Variants in RYR3 observed in about 807,000 individuals in gnomAD.
The protein encoded by RYR3 is brain ryanodine receptor-calcium release channel.
In RYR3, 207 loss-of-function variants were observed where a neutral mutation model predicts 584.3. That is an observed-to-expected ratio of 0.35 (90% CI 0.32 to 0.40). The LOEUF (loss-of-function observed/expected upper bound fraction) is 0.40, where lower values mean the gene tolerates loss of function less well. Ranked by LOEUF, RYR3 falls within the 10% of genes least tolerant of loss-of-function variation. The pLI is 1.00. For synonymous variants in RYR3, 2,416 were observed against 2,248.5 expected (o/e 1.07, Z -2.11); for missense variants, 5,616 against 6,089.2 (o/e 0.92, Z 2.59).
rs148388010 is a variant in RYR3 at position 33,440,802 on chromosome 15, G to C, written c.52-32617G>C. Among the ~76,000 whole-genome samples the C allele has an allele frequency of 2.0e-5, 3 of 152,242 alleles. No homozygotes were observed. The East Asian group carries it at 5.8e-4, about 29-fold the overall frequency. ...CGAGCTTGATATATGTGGTCCAGAA[G>C]GTTCATTATAAGACACAATGAAATA... On this transcript the variant is annotated intron_variant, in intron 1 of 103. Transcript: ENST00000634891.
intron 25 of RYR3, 61 bp from the exon 26 acceptor site, chr15:33,635,553 T>C: frequency 7.8e-7 from 1 of 1,288,486 alleles, no homozygotes; most frequent in Non-Finnish European, 1.1e-6. Flanking sequence ...ACCTAATTAT[T>C]GAAGGTCTAC....
At position 33,816,866 on chromosome 15, in the gene RYR3, C is replaced by G. The variant is rs367775699; in HGVS notation, c.10507C>G (p.Arg3503Gly). ...CCTCTCACCCCTTCCGCTCAGGCAC[C>G]GCTCTATTAACCTCTTCCTCCATGG... ...MAPLYNLPRH[R>G]SINLFLHGYQ... is the part of the protein sequence containing the mutation. Residue 3503 changes from arginine to glycine, a missense_variant, in exon 75 of 104, where the codon CGC becomes GGC. By Grantham distance (125) the Arg-to-Gly change is moderately radical. Around this residue, in one of 9 missense-constraint regions of RYR3, gnomAD observed 954 missense variants for 1,132.2 expected, o/e 0.84. Coordinates refer to ENST00000634891, the MANE Select transcript of RYR3 (RefSeq NM_001036.6). The G allele has an allele frequency of 6.2e-7, 1 of 1,610,188 alleles. No homozygotes were observed. Among genetic ancestry groups the G allele is most frequent in the East Asian group, 2.2e-5 (1 of 44,824 alleles).
intron 43 of RYR3, among the ~76,000 whole-genome samples, chr15:33,710,108 T>G (rs2066990506): frequency 6.6e-6 from 1 of 152,222 alleles, no homozygotes; most frequent in Non-Finnish European, 1.5e-5. Context: ...TAGACCATTC[T>G]TGCATTGCTA....
At chr15:33,321,785 G>GGT (rs1969002706) in intron 1 of RYR3, among the ~76,000 whole-genome samples, 1 of 152,172 alleles carries the variant, frequency 6.6e-6, no homozygotes, top group Admixed American at 6.5e-5. Context: ...GGAGAGTTCC[G>GGT]GTGCTGAATC....
intron 38 of RYR3, among the ~76,000 whole-genome samples, chr15:33,677,822 C>T (rs975713303): frequency 2.6e-5 from 4 of 152,314 alleles, no homozygotes; most frequent in African/African-American, 4.8e-5. Context: ...ACACCTGTCA[C>T]GAGCCTATCT....
intron 44 of RYR3, 146 bp downstream of exon 44, chr15:33,723,041 G>A: frequency 1.4e-6 from 1 of 732,420 alleles, no homozygotes. Context: ...CGAGAACAGT[G>A]TTGTCTTAAC....
chr15:33,634,259 C>T (rs2061400815), intron 24 of RYR3, among the ~76,000 whole-genome samples: 1 of 152,112 alleles, frequency 6.6e-6, no homozygotes, highest in African/African-American at 2.4e-5. Flanking sequence ...ACCATGTTGG[C>T]AGACTGGTCT....
At chr15:33,620,076 A>T (rs1428168307) in intron 19 of RYR3, among the ~76,000 whole-genome samples, 15 of 151,998 alleles carry the variant, frequency 9.9e-5, no homozygotes, top group African/African-American at 3.6e-4. Flanking sequence ...CTCTACTCAG[A>T]CATTTGCCTT....
chr15:33,317,674 T>C (rs1968382140), intron 1 of RYR3, among the ~76,000 whole-genome samples: 1 of 152,198 alleles, frequency 6.6e-6, no homozygotes, highest in Non-Finnish European at 1.5e-5. Context: ...TCATTTCTGA[T>C]TCCCGGTTGT....
chr15:33,359,890 G>A (rs1974523195), intron 1 of RYR3, among the ~76,000 whole-genome samples: 1 of 151,328 alleles, frequency 6.6e-6, no homozygotes, highest in Non-Finnish European at 1.5e-5. Flanking sequence ...CAAAGTGCTG[G>A]GATTATAGGC....
intron 7 of RYR3, 67 bp from the exon 8 acceptor site, chr15:33,543,554 CT>C (rs2056001321): frequency 1.9e-6 from 2 of 1,029,388 alleles, no homozygotes; most frequent in East Asian, 2.4e-5. Context: ...TGAATTTACC[CT>C]TTTTAAATAT....
chr15:33,805,546 C>T (rs1253972151), intron 69 of RYR3, among the ~76,000 whole-genome samples: 1 of 151,022 alleles, frequency 6.6e-6, no homozygotes. Flanking sequence ...GGTGCGATCT[C>T]GGCTCACTGC....
intron 6 of RYR3, 33 bp downstream of exon 6, chr15:33,539,495 T>G (rs200426331): frequency 7.2e-7 from 1 of 1,379,626 alleles, no homozygotes; most frequent in African/African-American, 1.4e-5. Flanking sequence ...GTCTTCTGTT[T>G]TCAGAAATTT....
chr15:33,434,531 A>G (rs1435923014), intron 1 of RYR3, among the ~76,000 whole-genome samples: 1 of 152,200 alleles, frequency 6.6e-6, no homozygotes, highest in Non-Finnish European at 1.5e-5. Context: ...AACTTTTTTG[A>G]AAGTAGAGTT....
intron 1 of RYR3, among the ~76,000 whole-genome samples, chr15:33,468,628 A>C (rs2048677157): frequency 6.6e-6 from 1 of 152,212 alleles, no homozygotes. Flanking sequence ...AAAACACATT[A>C]TGTTTCCAGC....
In RYR3 at chr15:33,646,515, T is replaced by C. The variant is rs774634076; in HGVS notation, c.3930T>C (p.Ala1310=). ...FSHSPCLDSE[A]FQKRKQMQEI... ...ACAGCCCCTGTCTGGACAGTGAAGCTTTCCAGAAAAGGTGAGGGTGAGGCC... is the reference window on the plus strand; with the variant it reads ...ACAGCCCCTGTCTGGACAGTGAAGCCTTCCAGAAAAGGTGAGGGTGAGGCC... Residue 1310 remains alanine, a synonymous_variant, in exon 29 of 104, where the codon GCT becomes GCC. Transcript: ENST00000634891. 1.2e-6 allele frequency: 2 copies of C among 1,609,956 alleles called. No homozygotes were observed. The highest frequency in any genetic ancestry group is 3.3e-5 in the Admixed American group (2 of 59,742).
At chr15:33,348,844 A>G (rs370253461) in intron 1 of RYR3, among the ~76,000 whole-genome samples, 1 of 152,268 alleles carries the variant, frequency 6.6e-6, no homozygotes, top group East Asian at 1.9e-4. Flanking sequence ...GAGTTTTGCC[A>G]GATGTGTCGT....
chr15:33,702,160 C>T (rs777604927), intron 42 of RYR3, among the ~76,000 whole-genome samples: 13 of 152,176 alleles, frequency 8.5e-5, no homozygotes, highest in Non-Finnish European at 1.3e-4. Context: ...GTCAGTGGCA[C>T]AGCCAGGCAT....
chr15:33,742,293 A>T, intron 51 of RYR3, 73 bp from the exon 52 acceptor site: 1 of 910,626 alleles, frequency 1.1e-6, no homozygotes, highest in Non-Finnish European at 1.8e-6. Context: ...GTTGATTGGT[A>T]GTTCTGACTA....
Sources: gnomAD v4.1 joint callset for allele counts (sites outside exome capture counted in the v4.1 genomes callset) on GRCh38, gnomAD v4.1.1 for gene constraint, gnomAD v4.1.1 regional missense constraint, MANE v1.5 for transcripts, NCBI Gene and HGNC (gene_info 2026-07-23, HGNC 2026-07-21) for gene names.